RELN: variants seen among roughly 807,000 people sequenced by gnomAD.
RELN encodes reelin.
In RELN, 108 loss-of-function variants were observed where a neutral mutation model predicts 427.6. The observed-to-expected ratio is 0.25, with a 90% CI of 0.22 to 0.30. The LOEUF (loss-of-function observed/expected upper bound fraction) is 0.30. RELN is among the 10% of genes least tolerant of loss of function. RELN has a pLI of 1.00. For missense variants in RELN, 3,715 were observed against 4,302.8 expected (o/e 0.86, Z 3.82); for synonymous variants, 1,524 against 1,513.4 (o/e 1.01, Z -0.16).
intron 53 of RELN, among the ~76,000 whole-genome samples, chr7:103,498,455 T>TTAA (rs1315244422): frequency 6.6e-6 from 1 of 151,984 alleles, no homozygotes; most frequent in East Asian, 1.9e-4. Flanking sequence ...CAAATAATGT[T>TTAA]TAATAATTGA....
intron 28 of RELN, among the ~76,000 whole-genome samples, chr7:103,576,398 C>T (rs975631048): frequency 6.6e-6 from 1 of 152,150 alleles, no homozygotes; most frequent in Non-Finnish European, 1.5e-5. Context: ...CCTCAGCCTC[C>T]CAAAGTACTG....
intron 6 of RELN, among the ~76,000 whole-genome samples, chr7:103,746,206 C>A (rs1209871009): frequency 3.3e-5 from 5 of 152,172 alleles, no homozygotes; most frequent in African/African-American, 1.2e-4. Flanking sequence ...GGAAAACTGG[C>A]TAGCCATACA....
At chr7:103,908,417 T>G (rs1422233992) in intron 2 of RELN, among the ~76,000 whole-genome samples, 1 of 152,154 alleles carries the variant, frequency 6.6e-6, no homozygotes, top group Non-Finnish European at 1.5e-5. Context: ...GCACCATGGT[T>G]ATTCTTGGTT....
At chr7:103,522,346 C>T in intron 47 of RELN, 147 bp from the exon 48 acceptor site, 1 of 742,350 alleles carries the variant, frequency 1.3e-6, no homozygotes, top group South Asian at 1.6e-5. Flanking sequence ...TACACCTGCT[C>T]TCCTTAACTG....
At chr7:103,579,396 C>T (rs59934899) in intron 28 of RELN, among the ~76,000 whole-genome samples, 8,104 of 151,920 alleles carry the variant, frequency 0.053, 418 homozygotes, top group East Asian at 0.22. Flanking sequence ...GTTACGAGTT[C>T]GAGACTAGCC....
intron 1 of RELN, among the ~76,000 whole-genome samples, chr7:103,970,584 T>C (rs777509686): frequency 2.6e-5 from 4 of 152,208 alleles, no homozygotes; most frequent in Non-Finnish European, 4.4e-5. Context: ...TAAAAGAAGG[T>C]TGTGATGTGC....
chr7:103,864,459 T>TCCTGGCA (rs1794146362), intron 2 of RELN, among the ~76,000 whole-genome samples: 1 of 152,148 alleles, frequency 6.6e-6, no homozygotes, highest in Non-Finnish European at 1.5e-5. Flanking sequence ...TTCCCCCTCC[T>TCCTGGCA]CCTGGCACCT....
intron 20 of RELN, among the ~76,000 whole-genome samples, chr7:103,622,150 T>A (rs1832235589): frequency 1.3e-5 from 2 of 152,260 alleles, no homozygotes; most frequent in Admixed American, 6.5e-5. Context: ...GTCTCCTTAC[T>A]TCTGAAACCT....
In RELN at chr7:103,949,236, AAAAGT is replaced by A. The variant is rs887423416; in HGVS notation, c.227-32056_227-32052del. Among the ~76,000 whole-genome samples the A allele has an allele frequency of 2.6e-5, 4 of 152,220 alleles. 1 individual carries two copies. Among genetic ancestry groups the A allele is most frequent in the African/African-American group, 9.6e-5 (4 of 41,520 alleles). Reference sequence around the variant, plus strand: ...TACAATAACAAATCTCTACTGAAAGAAAAGTAATTTCCCCAAGATCATATCAAATT... The same window carrying A: ...TACAATAACAAATCTCTACTGAAAGAAATTTCCCCAAGATCATATCAAATT... On this transcript the variant is annotated intron_variant, in intron 1 of 64. Transcript: ENST00000428762.
At chr7:103,514,170 G>A (rs768973747) in intron 50 of RELN, among the ~76,000 whole-genome samples, 1 of 152,076 alleles carries the variant, frequency 6.6e-6, no homozygotes, top group African/African-American at 2.4e-5. Flanking sequence ...TGGCATAACA[G>A]TATATCAATC....
chr7:103,948,395 G>C (rs758142855), intron 1 of RELN, among the ~76,000 whole-genome samples: 15 of 151,938 alleles, frequency 9.9e-5, no homozygotes, highest in East Asian at 1.9e-4. Context: ...ATTTGGGGCC[G>C]AGTGTGGTGA....
intron 11 of RELN, among the ~76,000 whole-genome samples, chr7:103,675,876 C>T (rs951734740): frequency 6.7e-5 from 6 of 90,058 alleles, no homozygotes; most frequent in Non-Finnish European, 1.2e-4. Flanking sequence ...ACACCTTATA[C>T]AAAAATTAAT....
chr7:103,924,267 G>T (rs1319549168), intron 1 of RELN, among the ~76,000 whole-genome samples: 1 of 152,108 alleles, frequency 6.6e-6, no homozygotes, highest in Non-Finnish European at 1.5e-5. Flanking sequence ...TATTATTACA[G>T]CCATTTATTA....
intron 6 of RELN, among the ~76,000 whole-genome samples, chr7:103,736,589 T>G (rs1403851162): frequency 2.6e-5 from 4 of 152,224 alleles, no homozygotes; most frequent in Admixed American, 6.5e-5. Context: ...CTCGTCTTCA[T>G]TAACAGGTAC....
intron 1 of RELN, among the ~76,000 whole-genome samples, chr7:103,928,265 C>CA (rs778735331): frequency 8.5e-5 from 13 of 152,154 alleles, no homozygotes; most frequent in Non-Finnish European, 1.5e-4. Context: ...TTGATCAATA[C>CA]AATTATTACT....
At chr7:103,490,612 G>T in intron 59 of RELN, 56 bp downstream of exon 59, 1 of 1,572,546 alleles carries the variant, frequency 6.4e-7, no homozygotes, top group South Asian at 1.1e-5. Flanking sequence ...CTCACTGCAT[G>T]AACTCTGTAG....
chr7:103,749,642 G>C, intron 5 of RELN, 138 bp from the exon 6 acceptor site: 1 of 695,944 alleles, frequency 1.4e-6, no homozygotes, highest in South Asian at 1.6e-5. Context: ...GATTATATTT[G>C]CTTTGTCCCT....
intron 3 of RELN, among the ~76,000 whole-genome samples, chr7:103,779,961 C>T (rs1329254216): frequency 4.6e-5 from 7 of 152,118 alleles, no homozygotes; most frequent in Middle Eastern, 3.2e-3. Context: ...CTCTTGACCT[C>T]GTGATCTGCC....
intron 6 of RELN, among the ~76,000 whole-genome samples, chr7:103,744,796 C>T (rs941903372): frequency 9.2e-5 from 13 of 141,496 alleles, no homozygotes; most frequent in Non-Finnish European, 3.0e-5. Context: ...CAAAAAAAGT[C>T]CAGGACCAGA....
Sources: allele counts gnomAD v4.1 joint callset (sites outside exome capture counted in the v4.1 genomes callset), GRCh38; gene constraint gnomAD v4.1.1; transcripts MANE v1.5; gene names NCBI Gene and HGNC (gene_info 2026-07-23, HGNC 2026-07-21).